AMZ1: variants seen among roughly 807,000 people sequenced by gnomAD.
The protein encoded by AMZ1 is archaelysin family metallopeptidase 1.
A neutral mutation model predicts 29.9 loss-of-function variants in AMZ1; 39 were observed. The observed-to-expected ratio is 1.30, with a 90% CI of 1.01 to 1.70. AMZ1 has a LOEUF of 1.70. Ranked by LOEUF, AMZ1 falls within the 40% of genes most tolerant of loss-of-function variation. AMZ1 has a pLI of 0.00. For missense variants in AMZ1, 1,041 were observed against 680.6 expected (o/e 1.53, Z -5.89); for synonymous variants, 458 against 304.0 (o/e 1.51, Z -5.27).
At chr7:2,685,130 A>G (rs1787029086), upstream of AMZ1, among the ~76,000 whole-genome samples, 1 of 151,432 alleles carries the variant, frequency 6.6e-6, no homozygotes, top group African/African-American at 2.4e-5. Flanking sequence ...CGGCCTCCCA[A>G]AGTGCTGGGA....
In AMZ1 at chr7:2,702,616, A is replaced by G. The variant is rs1189000086; in HGVS notation, c.305-106A>G. ...CTGCTTGCTGTCAGGGTAGGTCCAC[A>G]TTGGCCTTGTTCACCCAGCAGGCCG... is the stretch of plus-strand genomic sequence containing the variant. On this transcript the variant is annotated intron_variant, in intron 2 of 6. Coordinates refer to ENST00000683327, the MANE Select transcript of AMZ1 (RefSeq NM_001384743.1). 4.5e-6 allele frequency: 6 copies of G among 1,326,960 alleles called. No individual in the cohort carries two copies. In the Admixed American group the frequency reaches 8.3e-5, roughly 18 times the overall value. The allele number at this position is 1,326,960 out of a possible 1,614,324, so 82.2% of individuals were successfully genotyped here.
rs913494665 is a variant in AMZ1 at position 2,718,687 on chromosome 7, A to T, written c.*5809A>T. ...CATTTCTTCCAACACTTTCTCACGT[A>T]GGAGCTCCACTGTCCCTTCTAACAG... On this transcript the variant is annotated 3_prime_UTR_variant, in exon 7 of 7. Coordinates refer to ENST00000683327, the MANE Select transcript of AMZ1 (RefSeq NM_001384743.1). Among the ~76,000 whole-genome samples the T allele has an allele frequency of 6.6e-6, 1 of 152,212 alleles. No individual in the cohort carries two copies. The highest frequency in any genetic ancestry group is 2.4e-5 in the African/African-American group (1 of 41,454).
chr7:2,707,109 C>T (rs1788399178), intron 3 of AMZ1, among the ~76,000 whole-genome samples: 1 of 152,060 alleles, frequency 6.6e-6, no homozygotes, highest in Non-Finnish European at 1.5e-5. Context: ...CTCCTTTCTA[C>T]TAAAAATACA....
intron 1 of AMZ1, among the ~76,000 whole-genome samples, chr7:2,683,033 C>G (rs548460373): frequency 3.2e-4 from 49 of 152,358 alleles, no homozygotes; most frequent in African/African-American, 1.2e-3. Flanking sequence ...AGAGGCCAAG[C>G]CCCTGTTCTG....
Position 2,712,732 on chromosome 7 carries a change from A to G in AMZ1, c.1351A>G (p.Arg451Gly), listed in dbSNP as rs377521102. The G allele has an allele frequency of 6.2e-7, 1 of 1,607,360 alleles. No homozygotes were observed. Among genetic ancestry groups the G allele is most frequent in the Non-Finnish European group, 8.5e-7 (1 of 1,176,468 alleles). The stretch of plus-strand genomic sequence containing the variant: ...GTTCACGGGCCAGCTCCCGGCCACC[A>G]GGCAGGACCCACCCAGCAGCAGGGA... ...EMFTGQLPATRQDPPSSRDSV... is the reference protein window; with the variant it reads ...EMFTGQLPATGQDPPSSRDSV... The change falls in exon 7 of 7, where the codon AGG (arginine) becomes GGG (glycine). Residue 451 changes from arginine to glycine, a missense_variant. Coordinates refer to ENST00000683327, the MANE Select transcript of AMZ1 (RefSeq NM_001384743.1).
At position 2,702,790 on chromosome 7, in the gene AMZ1, C is replaced by T. The variant is rs896762245; in HGVS notation, c.373C>T (p.Leu125=). 13 of 1,545,350 alleles carry T rather than the reference C, an allele frequency of 8.4e-6. No individual in the cohort carries two copies. Among genetic ancestry groups the T allele is most frequent in the Non-Finnish European group, 1.1e-5 (13 of 1,148,266 alleles). ...GTGCAGCTGCACAGAGGCCTTCTTC[C>T]TGGGCCTGCGCGTCAAGTGCCTGCC... ...QLCSCTEAFF[L]GLRVKCLPSV... is the part of the protein sequence containing the mutation. Residue 125 remains leucine, a synonymous_variant, in exon 3 of 7, where the codon CTG becomes TTG. Transcript: ENST00000683327.
At chr7:2,711,135 G>A (rs798566) in intron 6 of AMZ1, among the ~76,000 whole-genome samples, 1 of 152,102 alleles carries the variant, frequency 6.6e-6, no homozygotes, top group South Asian at 2.1e-4. Flanking sequence ...TCTCCGTTCC[G>A]TGAGCACCAT....
chr7:2,734,550 G>C (rs758948090), intron 4 of AMZ1, among the ~76,000 whole-genome samples: 1 of 152,226 alleles, frequency 6.6e-6, no homozygotes, highest in African/African-American at 2.4e-5. Flanking sequence ...TGATGGCGCT[G>C]AAGCTCGTGG....
At position 2,712,626 on chromosome 7, in the gene AMZ1, C is replaced by G. The variant is rs762632129; in HGVS notation, c.1245C>G (p.Ile415Met). 1.9e-6 allele frequency: 3 copies of G among 1,613,006 alleles called. No individual in the cohort carries two copies. The highest frequency in any genetic ancestry group is 1.1e-5 in the South Asian group (1 of 91,056). ...ATGAACGGTGGCTGGCCATGTGCAT[C>G]CAGGCCCTGCAGCGGGAAGTGGCAG... ...KEHERWLAMC[I>M]QALQREVAEE... The change falls in exon 7 of 7, where the codon ATC becomes ATG. Residue 415 changes from isoleucine (I) to methionine (M), a missense_variant. By Grantham distance (10) the Ile-to-Met change is conservative. Transcript: ENST00000683327.
At chr7:2,682,140 C>CAGGCTGGGCACAGGG (rs1252654197) in intron 1 of AMZ1, among the ~76,000 whole-genome samples, 2 of 152,354 alleles carry the variant, frequency 1.3e-5, no homozygotes, top group Non-Finnish European at 2.9e-5. Flanking sequence ...GGCGGCCTCA[C>CAGGCTGGGCACAGGG]AGGCTGGGCA....
chr7:2,708,388 C>A (rs1280728802), intron 3 of AMZ1, among the ~76,000 whole-genome samples, 200 bp from the exon 4 acceptor site: 1 of 152,180 alleles, frequency 6.6e-6, no homozygotes, highest in African/African-American at 2.4e-5. Flanking sequence ...ATGTCCTGAT[C>A]TCCAAATGGC....
At chr7:2,750,695 G>A (rs1229647597) in intron 4 of AMZ1, among the ~76,000 whole-genome samples, 1 of 152,182 alleles carries the variant, frequency 6.6e-6, no homozygotes, top group Admixed American at 6.5e-5. Context: ...CCACGGACAC[G>A]GGGGACTATT....
At chr7:2,696,385 T>A (rs1164455197) in intron 1 of AMZ1, among the ~76,000 whole-genome samples, 1 of 150,460 alleles carries the variant, frequency 6.6e-6, no homozygotes, top group Non-Finnish European at 1.5e-5. Context: ...GCCTCCCAAG[T>A]AGCTGGGACT....
intron 4 of AMZ1, among the ~76,000 whole-genome samples, chr7:2,726,892 C>A (rs1320007592): frequency 6.6e-6 from 1 of 152,222 alleles, no homozygotes; most frequent in African/African-American, 2.4e-5. Flanking sequence ...GTTGTGAGGA[C>A]AGAACCTCCA....
chr7:2,744,779 T>C (rs1790686471), intron 4 of AMZ1, among the ~76,000 whole-genome samples: 3 of 151,980 alleles, frequency 2.0e-5, no homozygotes, highest in East Asian at 1.9e-4. Context: ...GAAAAAAAAT[T>C]AGACAAATGG....
intron 3 of AMZ1, among the ~76,000 whole-genome samples, chr7:2,706,133 C>T (rs547650285): frequency 1.6e-4 from 24 of 152,324 alleles, no homozygotes; most frequent in Admixed American, 1.0e-3. Context: ...AGGTGGAACT[C>T]AGAGGGTATG....
chr7:2,747,096 G>C (rs1237955212), intron 4 of AMZ1, among the ~76,000 whole-genome samples: 1 of 152,230 alleles, frequency 6.6e-6, no homozygotes, highest in African/African-American at 2.4e-5. Flanking sequence ...GAGGTACAAG[G>C]AGGAGCTGGC....
At chr7:2,705,112 A>ATTAGT (rs1788277061) in intron 3 of AMZ1, among the ~76,000 whole-genome samples, 1 of 152,322 alleles carries the variant, frequency 6.6e-6, no homozygotes, top group Admixed American at 6.5e-5. Flanking sequence ...TATTGGAAAA[A>ATTAGT]TTAGTTTAAC....
At chr7:2,727,143 A>G (rs1789653920) in intron 4 of AMZ1, among the ~76,000 whole-genome samples, 1 of 152,078 alleles carries the variant, frequency 6.6e-6, no homozygotes, top group Non-Finnish European at 1.5e-5. Flanking sequence ...GTGCAGTGGC[A>G]TGATCTCGGC....
Sources: allele counts gnomAD v4.1 joint callset (sites outside exome capture counted in the v4.1 genomes callset), GRCh38; gene constraint gnomAD v4.1.1; transcripts MANE v1.5; gene names NCBI Gene and HGNC (gene_info 2026-07-23, HGNC 2026-07-21).